The following GPR158 variants were observed in gnomAD, a reference collection of about 807,000 sequenced individuals.
The protein encoded by GPR158 is G protein-coupled receptor 158, also known as metabotropic glycine receptor.
Under a neutral mutation model 78.2 loss-of-function variants are expected in GPR158, and 30 were observed. The ratio of observed to expected loss-of-function variants is 0.38; its 90% CI spans 0.29 to 0.52. GPR158 has a LOEUF of 0.52. Ranked by LOEUF, GPR158 falls within the 20% of genes least tolerant of loss-of-function variation. GPR158 has a pLI of 0.83. For synonymous variants in GPR158, 581 were observed against 591.1 expected, an observed-to-expected ratio of 0.98 and a Z score of 0.25; for missense variants, 1,463 against 1,523.5, an observed-to-expected ratio of 0.96 and a Z score of 0.66.
chr10:25,214,034 G>A (rs768688849), intron 1 of GPR158, among the ~76,000 whole-genome samples: 2 of 151,778 alleles, frequency 1.3e-5, no homozygotes, highest in East Asian at 1.9e-4. Context: ...TCGCTCTATC[G>A]CCCAGGCTGG....
intron 7 of GPR158, among the ~76,000 whole-genome samples, chr10:25,577,698 A>G (rs187068429): frequency 1.6e-3 from 241 of 152,330 alleles, no homozygotes; most frequent in African/African-American, 5.6e-3. Flanking sequence ...GAAAACACGT[A>G]TAGAAAATAG....
Position 25,598,759 on chromosome 10 carries a change from A to G in GPR158, c.3133A>G (p.Lys1045Glu). 1 of 1,614,078 alleles carries G rather than the reference A, an allele frequency of 6.2e-7. No individual in the cohort carries two copies. Among genetic ancestry groups the G allele is most frequent in the Non-Finnish European group, 8.5e-7 (1 of 1,180,002 alleles). Residue 1045 changes from lysine to glutamate, a missense_variant, in exon 11 of 11, where the codon AAG becomes GAG. Physicochemically the swap from Lys to Glu is moderately conservative, Grantham distance 56. Transcript: ENST00000376351. ...GGAGAAAAACCCCACTTTTTCCTTA[A>G]AGGAGAAATCTCACCACAAGCCTAA... ...EMEKNPTFSLKEKSHHKPKAA... is the reference protein window; with the variant it reads ...EMEKNPTFSLEEKSHHKPKAA...
At chr10:25,237,346 T>G (rs1853538786) in intron 2 of GPR158, among the ~76,000 whole-genome samples, 1 of 152,214 alleles carries the variant, frequency 6.6e-6, no homozygotes, top group Admixed American at 6.5e-5. Flanking sequence ...TGTTTTATGT[T>G]TTACTTCATT....
intron 6 of GPR158, among the ~76,000 whole-genome samples, chr10:25,565,463 C>CA (rs1836917194): frequency 6.6e-6 from 1 of 152,010 alleles, no homozygotes; most frequent in African/African-American, 2.4e-5. Context: ...GAGAAAAGAG[C>CA]ATATAGGAAA....
chr10:25,552,063 C>T (rs1216382522), intron 6 of GPR158, among the ~76,000 whole-genome samples: 3 of 152,056 alleles, frequency 2.0e-5, no homozygotes, highest in South Asian at 2.1e-4. Context: ...TCTAGATTAT[C>T]CTTTTATCTT....
chr10:25,211,486 TG>T (rs1853130028), intron 1 of GPR158, among the ~76,000 whole-genome samples: 1 of 152,104 alleles, frequency 6.6e-6, no homozygotes, highest in Non-Finnish European at 1.5e-5. Context: ...GGGGAGCGCA[TG>T]CACAAGAGGA....
intron 4 of GPR158, among the ~76,000 whole-genome samples, chr10:25,450,625 A>G (rs1464816622): frequency 1.3e-5 from 2 of 152,094 alleles, no homozygotes; most frequent in African/African-American, 2.4e-5. Flanking sequence ...TAGTTAAATC[A>G]TCTGTAAATA....
chr10:25,237,525 TTA>T (rs1853540520), intron 2 of GPR158, among the ~76,000 whole-genome samples: 1 of 152,228 alleles, frequency 6.6e-6, no homozygotes, highest in African/African-American at 2.4e-5. Context: ...GTTATGTGCT[TTA>T]GTTTCTTTTG....
At chr10:25,272,293 T>A (rs1854127365) in intron 2 of GPR158, among the ~76,000 whole-genome samples, 1 of 152,188 alleles carries the variant, frequency 6.6e-6, no homozygotes, top group Non-Finnish European at 1.5e-5. Context: ...GTTTTCTTAT[T>A]TGCTTTTTGA....
At chr10:25,223,295 T>C (rs1853325579) in intron 2 of GPR158, among the ~76,000 whole-genome samples, 1 of 152,190 alleles carries the variant, frequency 6.6e-6, no homozygotes, top group Admixed American at 6.6e-5. Context: ...ACTTGCACTC[T>C]GTCATTCTCG....
At chr10:25,530,005 T>G (rs959548320) in intron 5 of GPR158, among the ~76,000 whole-genome samples, 5 of 152,192 alleles carry the variant, frequency 3.3e-5, no homozygotes, top group Non-Finnish European at 5.9e-5. Flanking sequence ...TGCTTTAGTT[T>G]GTCACCACTG....
At chr10:25,559,006 A>T (rs1164622961) in intron 6 of GPR158, among the ~76,000 whole-genome samples, 1 of 152,156 alleles carries the variant, frequency 6.6e-6, no homozygotes, top group African/African-American at 2.4e-5. Context: ...AATCTTCGAT[A>T]TCCCTACTCA....
In GPR158 at chr10:25,431,753, G is replaced by A. The variant is rs1025460253; in HGVS notation, c.1335+19280G>A. On this transcript the variant is annotated intron_variant, in intron 4 of 10. Transcript: ENST00000376351. ...CAATCATCATTCTCAGTAAACTATCGCAAGAACAAAAAACCAAACACCGCA... is the reference window on the plus strand; with the variant it reads ...CAATCATCATTCTCAGTAAACTATCACAAGAACAAAAAACCAAACACCGCA... 3.3e-5 allele frequency among the ~76,000 whole-genome samples: 5 copies of A among 151,952 alleles called. No homozygotes were observed. The South Asian group carries it at 8.3e-4, about 25-fold the overall frequency.
intron 5 of GPR158, among the ~76,000 whole-genome samples, chr10:25,528,363 G>A (rs1836378713): frequency 6.6e-6 from 1 of 151,866 alleles, no homozygotes; most frequent in South Asian, 2.1e-4. Context: ...CCAAGCATTA[G>A]ATGGGAAGCA....
rs901839393 is a variant in GPR158 at position 25,535,545 on chromosome 10, A to T, written c.1405-15431A>T. Among the ~76,000 whole-genome samples the T allele has an allele frequency of 2.6e-5, 4 of 152,316 alleles. No homozygotes were observed. In the South Asian group the frequency reaches 6.2e-4, roughly 24 times the overall value. On this transcript the variant is annotated intron_variant, in intron 5 of 10. Transcript: ENST00000376351. ...GCCTTCAGATGGAACCCCAGACCTG[A>T]GTAATGGCTTGATTACAGATGTGTG...
intron 2 of GPR158, among the ~76,000 whole-genome samples, chr10:25,375,343 T>C (rs183578930): frequency 6.6e-6 from 1 of 151,756 alleles, no homozygotes; most frequent in African/African-American, 2.4e-5. Context: ...CATCACAGGA[T>C]TTTGAAGAAC....
rs1371151655 is a variant in GPR158, at chr10:25,453,161, G to A, written c.1336-13490G>A. Among the ~76,000 whole-genome samples the A allele has an allele frequency of 2.6e-5, 4 of 152,270 alleles. No individual in the cohort carries two copies. In the East Asian group the frequency reaches 5.8e-4, roughly 22 times the overall value. On this transcript the variant is annotated intron_variant, in intron 4 of 10. Coordinates refer to ENST00000376351, the MANE Select transcript of GPR158 (RefSeq NM_020752.3). ...CTAAGGCTGATTTCATATCTTGGCTGTAGTAAATAATGCACAGTGAACATG... is the reference window on the plus strand; with the variant it reads ...CTAAGGCTGATTTCATATCTTGGCTATAGTAAATAATGCACAGTGAACATG...
At chr10:25,414,230 CTTAATG>C (rs1268879128) in intron 4 of GPR158, among the ~76,000 whole-genome samples, 1 of 152,154 alleles carries the variant, frequency 6.6e-6, no homozygotes, top group Non-Finnish European at 1.5e-5. Context: ...AGACCAGTGT[CTTAATG>C]TTAATGTTAC....
intron 5 of GPR158, among the ~76,000 whole-genome samples, chr10:25,543,282 A>G (rs10082439): frequency 0.54 from 82,327 of 151,748 alleles, 24,344 homozygotes; most frequent in African/African-American, 0.78. Flanking sequence ...CACCCTGCCC[A>G]GCTAATTTTT....
Sources: gnomAD v4.1 joint callset for allele counts (sites outside exome capture counted in the v4.1 genomes callset) on GRCh38, gnomAD v4.1.1 for gene constraint, MANE v1.5 for transcripts, NCBI Gene and HGNC (gene_info 2026-07-23, HGNC 2026-07-21) for gene names.